The following FBXW11 variants were observed in gnomAD, a reference collection of about 807,000 sequenced individuals.
FBXW11 encodes the protein F-box and WD repeat domain containing 11, also known as F-box/WD repeat-containing protein 11.
In FBXW11, 19 loss-of-function variants were observed where a neutral mutation model predicts 77.6. The ratio of observed to expected loss-of-function variants is 0.24; its 90% CI spans 0.17 to 0.36. FBXW11 has a LOEUF of 0.36. Among genes scored for constraint, FBXW11 ranks in the 10% least tolerant of loss-of-function variants. The pLI, the probability that FBXW11 is intolerant of heterozygous loss-of-function variation, is 1.00. For synonymous variants in FBXW11, 235 were observed against 249.4 expected (o/e 0.94, Z 0.54); for missense variants, 334 against 704.2 (o/e 0.47, Z 5.95).
At chr5:171,913,994 CAAAAGGAG>C (rs1180960160) in intron 3 of FBXW11, among the ~76,000 whole-genome samples, 2 of 152,182 alleles carry the variant, frequency 1.3e-5, no homozygotes, top group Non-Finnish European at 2.9e-5. Flanking sequence ...AGGTTGAGAG[CAAAAGGAG>C]AAAAGGTCAT....
chr5:171,930,394 G>A (rs1444641321), intron 2 of FBXW11, among the ~76,000 whole-genome samples: 1 of 152,154 alleles, frequency 6.6e-6, no homozygotes, highest in East Asian at 1.9e-4. Context: ...CTCAACACTG[G>A]TTTTCAACAT....
chr5:171,921,972 C>T (rs925157056), intron 2 of FBXW11, among the ~76,000 whole-genome samples: 1 of 150,868 alleles, frequency 6.6e-6, no homozygotes, highest in African/African-American at 2.4e-5. Flanking sequence ...CTCCCAGGCT[C>T]AAGTGATCCT....
intron 9 of FBXW11, among the ~76,000 whole-genome samples, chr5:171,875,951 C>T (rs1758053229): frequency 6.6e-6 from 1 of 152,180 alleles, no homozygotes; most frequent in African/African-American, 2.4e-5. Context: ...GGGGCCACAC[C>T]TACCTTAAAA....
intron 1 of FBXW11, among the ~76,000 whole-genome samples, chr5:171,994,224 C>G (rs1765905383): frequency 6.6e-6 from 1 of 152,218 alleles, no homozygotes; most frequent in African/African-American, 2.4e-5. Context: ...GAAGCACATT[C>G]TCTGAAGCCA....
chr5:171,915,185 G>GT (rs1561679463), intron 2 of FBXW11, among the ~76,000 whole-genome samples: 1 of 152,178 alleles, frequency 6.6e-6, no homozygotes, highest in Non-Finnish European at 1.5e-5. Context: ...TCTGAAAAGA[G>GT]TAACAACTCA....
intron 1 of FBXW11, among the ~76,000 whole-genome samples, chr5:171,983,186 AAAAAC>A (rs1278189176): frequency 9.2e-5 from 14 of 152,158 alleles, no homozygotes; most frequent in African/African-American, 3.4e-4. Flanking sequence ...AGACCGTCTC[AAAAAC>A]AAAACAAAAC....
intron 4 of FBXW11, among the ~76,000 whole-genome samples, chr5:171,909,624 A>T (rs1167868857): frequency 6.6e-6 from 1 of 152,214 alleles, no homozygotes; most frequent in Non-Finnish European, 1.5e-5. Flanking sequence ...TTTTGATCTG[A>T]ACCTCAAACT....
intron 1 of FBXW11, among the ~76,000 whole-genome samples, chr5:171,994,704 TACCACCACC>T (rs368238674): frequency 7.2e-5 from 11 of 151,996 alleles, no homozygotes; most frequent in Admixed American, 5.9e-4. Context: ...GTACCATTAC[TACCACCACC>T]ACCACCACCA....
chr5:171,957,266 T>C (rs961264892), intron 2 of FBXW11, among the ~76,000 whole-genome samples: 1 of 152,194 alleles, frequency 6.6e-6, no homozygotes, highest in Non-Finnish European at 1.5e-5. Context: ...AACAAAGAAC[T>C]GTTAAAGGTA....
At chr5:171,893,419 A>AC (rs1759494239) in intron 6 of FBXW11, among the ~76,000 whole-genome samples, 4 of 132,192 alleles carry the variant, frequency 3.0e-5, no homozygotes, top group African/African-American at 1.2e-4. Flanking sequence ...ACACTTCAAA[A>AC]CCAAAAAAAA....
At position 171,952,422 on chromosome 5, in the gene FBXW11, C is replaced by CATATATATATATAT. The variant is rs1198809796; in HGVS notation, c.147+5161_147+5174dup. Among the ~76,000 whole-genome samples the CATATATATATATAT allele has an allele frequency of 4.7e-3, 68 of 14,604 alleles. 8 individuals are homozygous for CATATATATATATAT. Among genetic ancestry groups the CATATATATATATAT allele is most frequent in the East Asian group, 9.9e-3 (2 of 202 alleles). 9.6% of individuals were successfully genotyped at this position (14,604 alleles called of 152,430 possible). On this transcript the variant is annotated intron_variant, in intron 2 of 13. Transcript: ENST00000517395. ...TGTGTGTGTGTGTTGTGTGTACATACATATATATATATATATATATATATA... is the reference window on the plus strand; with the variant it reads ...TGTGTGTGTGTGTTGTGTGTACATACATATATATATATATATATATATATATATATATATATATA...
intron 2 of FBXW11, among the ~76,000 whole-genome samples, chr5:171,938,577 T>C (rs939599377): frequency 6.6e-6 from 1 of 152,226 alleles, no homozygotes; most frequent in African/African-American, 2.4e-5. Flanking sequence ...CACAACCCTT[T>C]TGGAAGAAAA....
intron 2 of FBXW11, among the ~76,000 whole-genome samples, chr5:171,925,277 C>G: frequency 6.6e-6 from 1 of 152,078 alleles, no homozygotes; most frequent in East Asian, 1.9e-4. Flanking sequence ...ATAATAAATC[C>G]CATACTAAAA....
chr5:171,914,534 G>A, intron 2 of FBXW11, 129 bp from the exon 3 acceptor site: 3 of 637,838 alleles, frequency 4.7e-6, no homozygotes, highest in Non-Finnish European at 7.6e-6. Flanking sequence ...TGGCTTTGTG[G>A]CTAACACATG....
At chr5:171,984,832 G>A (rs1259878140) in intron 1 of FBXW11, among the ~76,000 whole-genome samples, 1 of 152,136 alleles carries the variant, frequency 6.6e-6, no homozygotes, top group African/African-American at 2.4e-5. Context: ...ATAAAGGCAG[G>A]TCGAAGTTAC....
intron 6 of FBXW11, among the ~76,000 whole-genome samples, chr5:171,896,639 G>C (rs1209291095): frequency 1.3e-5 from 2 of 152,090 alleles, no homozygotes; most frequent in East Asian, 3.8e-4. Context: ...TCAGTTAAAA[G>C]CCCATCCCAT....
intron 1 of FBXW11, among the ~76,000 whole-genome samples, chr5:171,965,327 C>A (rs1764125579): frequency 6.6e-6 from 1 of 152,084 alleles, no homozygotes; most frequent in South Asian, 2.1e-4. Context: ...GAGTTTGAGA[C>A]CAGCCTGGCC....
At chr5:171,868,899 A>G (rs1757592504) in intron 12 of FBXW11, 103 bp from the exon 13 acceptor site, 1 of 1,004,102 alleles carries the variant, frequency 1.0e-6, no homozygotes, top group African/African-American at 1.6e-5. Context: ...ACTTAAACAG[A>G]CTTCCTAAAC....
chr5:171,968,022 T>C (rs1764314543), intron 1 of FBXW11, among the ~76,000 whole-genome samples: 1 of 151,890 alleles, frequency 6.6e-6, no homozygotes, highest in Non-Finnish European at 1.5e-5. Flanking sequence ...ACTTCTCCAT[T>C]CCCTCTCCTC....
Sources: gnomAD v4.1 joint callset for allele counts (sites outside exome capture counted in the v4.1 genomes callset) on GRCh38, gnomAD v4.1.1 for gene constraint, MANE v1.5 for transcripts, NCBI Gene and HGNC (gene_info 2026-07-23, HGNC 2026-07-21) for gene names.